The following ITGA9 variants were observed in gnomAD, a reference collection of about 807,000 sequenced individuals.
ITGA9 encodes the protein integrin alpha-9.
Under a neutral mutation model 127.8 loss-of-function variants are expected in ITGA9, and 56 were observed. The observed-to-expected ratio is 0.44, with a 90% CI of 0.35 to 0.55. ITGA9 has a LOEUF of 0.55. Ranked by LOEUF, ITGA9 falls within the 20% of genes least tolerant of loss-of-function variation. The pLI is 0.00. For synonymous variants in ITGA9, 508 were observed against 514.5 expected (o/e 0.99, Z 0.17); for missense variants, 1,196 against 1,347.1 (o/e 0.89, Z 1.76).
Position 37,454,802 on chromosome 3 carries a change from C to G in ITGA9, c.185+2243C>G, listed in dbSNP as rs4396837. Among the ~76,000 whole-genome samples the G allele has an allele frequency of 7.0e-3, 1,061 of 152,118 alleles. 10 individuals are homozygous for G. The highest frequency in any genetic ancestry group is 0.011 in the Non-Finnish European group (753 of 67,978). On this transcript the variant is annotated intron_variant, in intron 1 of 27. Transcript: ENST00000264741. ...TTCCTCCCCATCCTTTTTTCTCTTTCCCTTTTTCCCAGTATTCTTTGTCTT... is the reference window on the plus strand; with the variant it reads ...TTCCTCCCCATCCTTTTTTCTCTTTGCCTTTTTCCCAGTATTCTTTGTCTT...
rs375600188 is a variant in ITGA9, at chr3:37,473,398, C to T, written c.358C>T (p.Arg120Cys). Residue 120 changes from arginine (R) to cysteine (C), a missense_variant, in exon 3 of 28, where the codon CGC (arginine) becomes TGC (cysteine). Arg to Cys is a radical substitution (Grantham distance 180). Coordinates refer to ENST00000264741, the MANE Select transcript of ITGA9 (RefSeq NM_002207.3). ...TSCGKTCRED[R>C]DDEWMGVSLA... Reference sequence around the variant, plus strand: ...CTGCGGAAAGACCTGCCGGGAAGACCGCGATGATGAGTGGATGGGGGTGAG... The same window carrying T: ...CTGCGGAAAGACCTGCCGGGAAGACTGCGATGATGAGTGGATGGGGGTGAG... 3.4e-5 allele frequency: 55 copies of T among 1,614,044 alleles called. No individual in the cohort carries two copies. The highest frequency in any genetic ancestry group is 1.2e-4 in the South Asian group (11 of 91,066).
At chr3:37,497,467 A>G (rs987522799) in intron 5 of ITGA9, among the ~76,000 whole-genome samples, 14 of 152,242 alleles carry the variant, frequency 9.2e-5, no homozygotes, top group Middle Eastern at 6.8e-3. Context: ...ACAAACTCCC[A>G]TATTTTATAC....
intron 15 of ITGA9, among the ~76,000 whole-genome samples, chr3:37,547,069 G>C (rs903094311): frequency 6.6e-6 from 1 of 152,194 alleles, no homozygotes; most frequent in Non-Finnish European, 1.5e-5. Flanking sequence ...CAGGGGCAGT[G>C]ATGTCATTCC....
At chr3:37,507,291 G>T (rs1443004625) in intron 7 of ITGA9, among the ~76,000 whole-genome samples, 1 of 152,200 alleles carries the variant, frequency 6.6e-6, no homozygotes, top group African/African-American at 2.4e-5. Flanking sequence ...CATTGATGTT[G>T]TCTTCTTGGG....
chr3:37,506,984 T>C (rs1233671141), intron 7 of ITGA9, among the ~76,000 whole-genome samples: 2 of 152,186 alleles, frequency 1.3e-5, no homozygotes, highest in Non-Finnish European at 2.9e-5. Context: ...GTCAGGATGA[T>C]CAGGGAGCTG....
intron 23 of ITGA9, among the ~76,000 whole-genome samples, chr3:37,760,020 G>C (rs1696704702): frequency 6.6e-6 from 1 of 151,976 alleles, no homozygotes; most frequent in African/African-American, 2.4e-5. Flanking sequence ...AGGAGTTCAA[G>C]ACCAGCCTGG....
At chr3:37,762,641 C>G (rs904782669) in intron 23 of ITGA9, among the ~76,000 whole-genome samples, 3 of 152,188 alleles carry the variant, frequency 2.0e-5, no homozygotes, top group Non-Finnish European at 2.9e-5. Context: ...TGCAAAATTT[C>G]CCCACAAGAG....
intron 17 of ITGA9, among the ~76,000 whole-genome samples, chr3:37,660,055 A>AT (rs1228236301): frequency 4.6e-5 from 7 of 152,036 alleles, no homozygotes; most frequent in African/African-American, 1.7e-4. Flanking sequence ...ATTAATTAGC[A>AT]TTACTTTTAC....
chr3:37,574,880 T>A (rs1699638075), intron 15 of ITGA9, among the ~76,000 whole-genome samples: 1 of 152,078 alleles, frequency 6.6e-6, no homozygotes, highest in South Asian at 2.1e-4. Flanking sequence ...TCAGAATGAC[T>A]TCACCCAGAC....
rs1700210381 is a variant in ITGA9 at position 37,629,583 on chromosome 3, C to T, written c.1839+247C>T. On this transcript the variant is annotated intron_variant, in intron 16 of 27. Coordinates refer to ENST00000264741, the MANE Select transcript of ITGA9 (RefSeq NM_002207.3). The surrounding 1 kb of genome is among the most constrained non-coding windows in gnomAD (Gnocchi z 4.5). ...TCTCAGGCTGTTAGAAGTTACAATC[C>T]CCTCGAGTTCGTGAACTGGCTGGCC... 1.6e-5 allele frequency: 10 copies of T among 615,802 alleles called. No individual in the cohort carries two copies. The East Asian group carries it at 1.9e-4, about 12-fold the overall frequency. 38.1% of individuals were successfully genotyped at this position (615,802 alleles called of 1,614,324 possible).
intron 3 of ITGA9, among the ~76,000 whole-genome samples, chr3:37,480,697 C>T (rs1161863203): frequency 6.6e-6 from 1 of 152,194 alleles, no homozygotes; most frequent in Non-Finnish European, 1.5e-5. Context: ...TGGGTAGAAA[C>T]ATGGTTGAAT....
At chr3:37,499,697 G>T (rs757661219) in intron 5 of ITGA9, among the ~76,000 whole-genome samples, 1 of 152,182 alleles carries the variant, frequency 6.6e-6, no homozygotes. Context: ...CCTGAGGGTC[G>T]CAGGCTTGGC....
At chr3:37,488,600 C>T (rs906510517) in intron 4 of ITGA9, among the ~76,000 whole-genome samples, 2 of 151,922 alleles carry the variant, frequency 1.3e-5, no homozygotes, top group African/African-American at 2.4e-5. Flanking sequence ...AGTTCGAGAC[C>T]AGCCTGACCA....
chr3:37,661,353 T>C (rs1218128754), intron 17 of ITGA9, among the ~76,000 whole-genome samples: 1 of 152,230 alleles, frequency 6.6e-6, no homozygotes, highest in Admixed American at 6.5e-5. Flanking sequence ...AGAGGACCCC[T>C]GGCCTCTCAA....
chr3:37,653,216 T>C (rs1303618640), intron 16 of ITGA9, among the ~76,000 whole-genome samples: 3 of 152,216 alleles, frequency 2.0e-5, no homozygotes, highest in Non-Finnish European at 2.9e-5. Flanking sequence ...TGCCTTTGCC[T>C]TTTCCTGTTA....
chr3:37,610,201 G>A (rs1700003283), intron 15 of ITGA9, among the ~76,000 whole-genome samples: 2 of 152,308 alleles, frequency 1.3e-5, no homozygotes, highest in African/African-American at 4.8e-5. Context: ...GAAATGGCTT[G>A]TTGTGTCTCC....
rs538510588 is a variant in ITGA9, at chr3:37,636,515, G to T, written c.1839+7179G>T. 2.6e-5 allele frequency among the ~76,000 whole-genome samples: 4 copies of T among 152,228 alleles called. No homozygotes were observed. The South Asian group carries it at 8.3e-4, about 32-fold the overall frequency. On this transcript the variant is annotated intron_variant, in intron 16 of 27. Coordinates refer to ENST00000264741, the MANE Select transcript of ITGA9 (RefSeq NM_002207.3). ...TCTTGTAAATTTGTTTGAGTTCATTGTAGATTCTGGATATTAGCCCTTTGT... is the reference window on the plus strand; with the variant it reads ...TCTTGTAAATTTGTTTGAGTTCATTTTAGATTCTGGATATTAGCCCTTTGT...
At chr3:37,628,781 C>G (rs183359962) in intron 15 of ITGA9, among the ~76,000 whole-genome samples, 1 of 152,320 alleles carries the variant, frequency 6.6e-6, no homozygotes, top group East Asian at 1.9e-4. Context: ...AACACAAAAT[C>G]CATATTTATC....
At position 37,820,184 on chromosome 3, in the gene ITGA9, G is replaced by C. The variant is rs1697495513; in HGVS notation, c.*1195G>C. On this transcript the variant is annotated 3_prime_UTR_variant, in exon 28 of 28. Coordinates refer to ENST00000264741, the MANE Select transcript of ITGA9 (RefSeq NM_002207.3). ...CAGGACAAGGAAGGAGACAAAGCCA[G>C]GCAAATGTTTGTCATTTCAGGGAGA... is the stretch of plus-strand genomic sequence containing the variant. 6.6e-6 allele frequency: 1 copy of C among 152,302 alleles called. No homozygotes were observed. The highest frequency in any genetic ancestry group is 1.5e-5 in the Non-Finnish European group (1 of 68,116). 9.4% of individuals were successfully genotyped at this position (152,302 alleles called of 1,614,324 possible). A position where few individuals can be genotyped will look rare whatever the true frequency, so the allele number is the denominator to read the frequency against.
Sources: gnomAD v4.1 joint callset for allele counts (sites outside exome capture counted in the v4.1 genomes callset) on GRCh38, gnomAD v4.1.1 for gene constraint, Gnocchi (gnomAD v3.1) non-coding constraint, MANE v1.5 for transcripts, NCBI Gene and HGNC (gene_info 2026-07-23, HGNC 2026-07-21) for gene names.